The following ANO3 variants were observed in gnomAD, a reference collection of about 807,000 sequenced individuals.
ANO3 encodes the protein anoctamin-3.
Under a neutral mutation model 144.8 loss-of-function variants are expected in ANO3, and 99 were observed. The observed-to-expected ratio is 0.68, with a 90% CI of 0.58 to 0.81. ANO3 has a LOEUF of 0.81. Ranked by LOEUF, ANO3 falls within the 30% of genes least tolerant of loss-of-function variation. The pLI is 0.00. For missense variants in ANO3, 905 were observed against 1,202.2 expected (o/e 0.75, Z 3.66); for synonymous variants, 414 against 392.6 (o/e 1.05, Z -0.64).
At chr11:26,466,574 TGAG>T (rs1274085530) in intron 4 of ANO3, among the ~76,000 whole-genome samples, 1 of 151,862 alleles carries the variant, frequency 6.6e-6, no homozygotes, top group Non-Finnish European at 1.5e-5. Context: ...GAGCTAGTCT[TGAG>T]GAGGAGAAGA....
intron 1 of ANO3, among the ~76,000 whole-genome samples, chr11:26,238,525 G>T (rs1485322361): frequency 6.6e-6 from 1 of 151,984 alleles, no homozygotes; most frequent in Non-Finnish European, 1.5e-5. Flanking sequence ...ACAATTGCAT[G>T]TACATTTATT....
intron 1 of ANO3, among the ~76,000 whole-genome samples, chr11:26,364,716 T>C (rs1856015686): frequency 6.6e-6 from 1 of 152,110 alleles, no homozygotes; most frequent in Admixed American, 6.5e-5. Flanking sequence ...AAGGGGATGG[T>C]GCTAAATCAT....
intron 1 of ANO3, among the ~76,000 whole-genome samples, chr11:26,281,091 T>A (rs1270942945): frequency 6.6e-6 from 1 of 152,216 alleles, no homozygotes; most frequent in Non-Finnish European, 1.5e-5. Flanking sequence ...TCATATAGTG[T>A]CTCACTTAAT....
chr11:26,288,221 G>A (rs1853853184), intron 1 of ANO3, among the ~76,000 whole-genome samples: 1 of 152,182 alleles, frequency 6.6e-6, no homozygotes, highest in Non-Finnish European at 1.5e-5. Context: ...CCTGTGACAG[G>A]CCAGTGAATT....
chr11:26,642,653 C>T (rs1853205520), intron 22 of ANO3, among the ~76,000 whole-genome samples: 1 of 152,104 alleles, frequency 6.6e-6, no homozygotes, highest in Non-Finnish European at 1.5e-5. Context: ...ACCTGGCCAG[C>T]TGAACCAGTT....
At chr11:26,251,798 G>A (rs934390209) in intron 1 of ANO3, among the ~76,000 whole-genome samples, 14 of 152,146 alleles carry the variant, frequency 9.2e-5, no homozygotes, top group East Asian at 3.9e-4. Flanking sequence ...GCGAGGAAGT[G>A]CCACATTTAA....
chr11:26,615,401 T>A (rs1227679817), intron 17 of ANO3, among the ~76,000 whole-genome samples: 2 of 94,498 alleles, frequency 2.1e-5, no homozygotes, highest in South Asian at 8.8e-4. Flanking sequence ...AGTTTATATA[T>A]ATATATATAT....
intron 1 of ANO3, among the ~76,000 whole-genome samples, chr11:26,404,253 C>T (rs1282480751): frequency 1.3e-5 from 2 of 151,762 alleles, no homozygotes; most frequent in African/African-American, 4.8e-5. Context: ...GTAACTCAGT[C>T]TTCATAAAAC....
chr11:26,404,224 G>A (rs1857219568), intron 1 of ANO3, among the ~76,000 whole-genome samples: 1 of 151,740 alleles, frequency 6.6e-6, no homozygotes. Flanking sequence ...GAATGAATTA[G>A]AACATGAAAC....
intron 1 of ANO3, among the ~76,000 whole-genome samples, chr11:26,198,266 T>C (rs1178279248): frequency 6.6e-6 from 1 of 152,216 alleles, no homozygotes; most frequent in African/African-American, 2.4e-5. Context: ...ATTAAATTCA[T>C]ATCCTGGATA....
intron 1 of ANO3, among the ~76,000 whole-genome samples, chr11:26,352,428 C>T (rs1170357784): frequency 2.0e-5 from 3 of 152,060 alleles, no homozygotes; most frequent in African/African-American, 4.8e-5. Flanking sequence ...GGGCTGGCCT[C>T]GTATGTAACT....
At chr11:26,348,346 C>G (rs1162438790) in intron 1 of ANO3, among the ~76,000 whole-genome samples, 3 of 152,186 alleles carry the variant, frequency 2.0e-5, no homozygotes, top group Non-Finnish European at 4.4e-5. Flanking sequence ...CATTAAACCT[C>G]TAATACCATG....
intron 1 of ANO3, among the ~76,000 whole-genome samples, chr11:26,235,006 G>C (rs914628914): frequency 6.6e-6 from 1 of 151,454 alleles, no homozygotes; most frequent in Non-Finnish European, 1.5e-5. Flanking sequence ...AAAAGAAAGA[G>C]AGAGAGAGAG....
At chr11:26,370,981 G>A (rs1455430162) in intron 1 of ANO3, among the ~76,000 whole-genome samples, 1 of 152,212 alleles carries the variant, frequency 6.6e-6, no homozygotes, top group Non-Finnish European at 1.5e-5. Flanking sequence ...GCCTGCTTCA[G>A]CAATTTGTGT....
rs1223099575 is a variant in ANO3, at chr11:26,424,266, CAT to C, written c.47-17650_47-17649del. Among the ~76,000 whole-genome samples, 191 of 118,786 alleles carry C rather than the reference CAT, an allele frequency of 1.6e-3. 3 individuals are homozygous for C. Among genetic ancestry groups the C allele is most frequent in the African/African-American group, 8.8e-3 (168 of 19,126 alleles). The allele number at this position is 118,786 out of a possible 152,430, so 77.9% of individuals were successfully genotyped here. The stretch of plus-strand genomic sequence containing the variant: ...AAATCTCCCCCCCCACACACACACA[CAT>C]ACACATAAACACATTTCTATATGTC... On this transcript the variant is annotated intron_variant, in intron 1 of 26. Coordinates refer to ENST00000256737, the MANE Select transcript of ANO3 (RefSeq NM_031418.4).
intron 3 of ANO3, among the ~76,000 whole-genome samples, chr11:26,459,599 C>G (rs1350122626): frequency 1.3e-5 from 2 of 151,940 alleles, no homozygotes; most frequent in Non-Finnish European, 2.9e-5. Context: ...TGTACACACA[C>G]ACACACATAC....
chr11:26,283,034 G>T (rs1853713729), intron 1 of ANO3, among the ~76,000 whole-genome samples: 1 of 151,570 alleles, frequency 6.6e-6, no homozygotes, highest in Admixed American at 6.6e-5. Context: ...GAAAAAAATT[G>T]AAAAACAAAT....
intron 1 of ANO3, among the ~76,000 whole-genome samples, chr11:26,357,069 T>G (rs1855803069): frequency 6.6e-6 from 1 of 152,220 alleles, no homozygotes; most frequent in African/African-American, 2.4e-5. Flanking sequence ...GAGTTAGGAC[T>G]TGGATTATTC....
In ANO3 at chr11:26,291,590, G is replaced by T. The variant is rs536713816; in HGVS notation, c.155-18055G>T. ...TTTAGTGCTTCCTTCAGGATCTCTT[G>T]TAAGGCAGGCCTGGTGGTGACAAAA... On this transcript the variant is annotated intron_variant, in intron 1 of 27. Transcript: ENST00000672621. 9.2e-5 allele frequency among the ~76,000 whole-genome samples: 14 copies of T among 152,232 alleles called. No individual in the cohort carries two copies. The South Asian group carries it at 2.9e-3, about 32-fold the overall frequency.
Sources: allele counts gnomAD v4.1 joint callset (sites outside exome capture counted in the v4.1 genomes callset), GRCh38; gene constraint gnomAD v4.1.1; transcripts MANE v1.5; gene names NCBI Gene and HGNC (gene_info 2026-07-23, HGNC 2026-07-21).